MMEL1: variants seen among roughly 807,000 people sequenced by gnomAD.
MMEL1 encodes the protein membrane metallo-endopeptidase-like 1.
Under a neutral mutation model 117.1 loss-of-function variants are expected in MMEL1, and 98 were observed. The observed-to-expected ratio is 0.84, with a 90% CI of 0.71 to 0.99. The LOEUF (loss-of-function observed/expected upper bound fraction) is 0.99. Among genes scored for constraint, MMEL1 ranks in the 50% least tolerant of loss-of-function variants. The pLI, the probability that MMEL1 is intolerant of heterozygous loss-of-function variation, is 0.00. For missense variants in MMEL1, 1,014 were observed against 1,049.1 expected (o/e 0.97, Z 0.46); for synonymous variants, 390 against 415.1 (o/e 0.94, Z 0.74).
At chr1:2,630,974 CGT>C (rs932742319) in intron 1 of MMEL1, among the ~76,000 whole-genome samples, 5 of 147,162 alleles carry the variant, frequency 3.4e-5, no homozygotes, top group African/African-American at 1.0e-4. Context: ...CGTGTGTGCA[CGT>C]GTGTGACTGT....
intron 19 of MMEL1, among the ~76,000 whole-genome samples, chr1:2,593,286 G>A (rs1644773371): frequency 6.6e-6 from 1 of 152,210 alleles, no homozygotes; most frequent in African/African-American, 2.4e-5. Context: ...CAAACTCTAA[G>A]TTCCAGGCGA....
At chr1:2,594,299 A>G (rs1187896753) in intron 18 of MMEL1, 86 bp downstream of exon 18, 2 of 1,385,726 alleles carry the variant, frequency 1.4e-6, no homozygotes, top group East Asian at 5.0e-5. Flanking sequence ...TGCCCCCAGG[A>G]GGAAGGGATG....
intron 8 of MMEL1, 147 bp from the exon 9 acceptor site, chr1:2,605,770 CG>C (rs932402366): frequency 6.0e-6 from 2 of 333,098 alleles, no homozygotes; most frequent in African/African-American, 2.5e-5. Flanking sequence ...GTGCCGGACC[CG>C]GGAGGCCAGA....
rs757639321 is a variant in MMEL1 at position 2,609,331 on chromosome 1, C to T, written c.535+8G>A. Reference sequence around the variant, plus strand: ...TGCCTCGGCCCCTTCCTGGCGGCCCCCACTCACTCTGGTTCATGCAGGAGC... The same window carrying T: ...TGCCTCGGCCCCTTCCTGGCGGCCCTCACTCACTCTGGTTCATGCAGGAGC... On this transcript the variant is annotated splice_region_variant and intron_variant, in intron 6 of 23. Transcript: ENST00000378412. The T allele has an allele frequency of 1.2e-6, 2 of 1,609,334 alleles. No individual in the cohort carries two copies. Among genetic ancestry groups the T allele is most frequent in the Non-Finnish European group, 1.7e-6 (2 of 1,178,402 alleles).
chr1:2,632,174 G>A (rs1045922018), intron 1 of MMEL1, among the ~76,000 whole-genome samples: 12 of 137,104 alleles, frequency 8.8e-5, no homozygotes, highest in South Asian at 4.9e-4. Context: ...GCTCGGCCTC[G>A]GGTTCAACTC....
At chr1:2,591,480 T>G in intron 23 of MMEL1, 77 bp downstream of exon 23, 3 of 1,226,296 alleles carry the variant, frequency 2.4e-6, no homozygotes, top group Non-Finnish European at 3.6e-6. Context: ...TTTTTGTGCT[T>G]TCTTCTTTTA....
chr1:2,629,418 C>T lies in MMEL1; in HGVS notation c.67G>A (p.Gly23Arg), dbSNP rs1160110847. 1 of 1,545,968 alleles carries T rather than the reference C, an allele frequency of 6.5e-7. No individual in the cohort carries two copies. Among genetic ancestry groups the T allele is most frequent in the Non-Finnish European group, 8.7e-7 (1 of 1,146,164 alleles). Reference protein sequence around the residue: ...SAGRAGQKRPGFLEGGLLLLL... With the variant: ...SAGRAGQKRPRFLEGGLLLLL... ...AGCAGCAGCCCCCCCTCCAGGAACC[C>T]CGGGCGCTTCTGCCCTGCACGGCCG... The change falls in exon 2 of 24, where the codon GGG becomes AGG. Residue 23 changes from glycine (G) to arginine (R), a missense_variant. Gly to Arg is a moderately radical substitution (Grantham distance 125). Transcript: ENST00000378412.
intron 23 of MMEL1, 66 bp downstream of exon 23, chr1:2,591,491 C>G: frequency 7.6e-7 from 1 of 1,311,164 alleles, no homozygotes; most frequent in Non-Finnish European, 1.1e-6. Flanking sequence ...TCTTCTTTTA[C>G]AGGCCACTGG....
chr1:2,590,842 A>G lies in MMEL1; in HGVS notation c.*148T>C. 1.8e-6 allele frequency: 1 copy of G among 541,434 alleles called. No homozygotes were observed. Among genetic ancestry groups the G allele is most frequent in the Non-Finnish European group, 3.0e-6 (1 of 334,910 alleles). The allele number at this position is 541,434 out of a possible 1,614,324, so 33.5% of individuals were successfully genotyped here. ...CCCTGGGTGTCAGGCAGGTGGCTGC[A>G]CCCTAGGCCAGGCGCAGAGGCCTGG... On this transcript the variant is annotated 3_prime_UTR_variant, in exon 24 of 24. Coordinates refer to ENST00000378412, the MANE Select transcript of MMEL1 (RefSeq NM_033467.4).
At chr1:2,629,239 G>C in intron 2 of MMEL1, 92 bp downstream of exon 2, 4 of 1,370,158 alleles carry the variant, frequency 2.9e-6, no homozygotes, top group Non-Finnish European at 3.9e-6. Flanking sequence ...GGCGGGCTCG[G>C]GCTGGGGGCA....
intron 9 of MMEL1, among the ~76,000 whole-genome samples, chr1:2,604,781 A>C (rs1324330097): frequency 1.3e-5 from 2 of 152,156 alleles, no homozygotes; most frequent in African/African-American, 4.8e-5. Context: ...GGGCTTCCCC[A>C]GTGCAGGCCA....
In MMEL1 at chr1:2,592,221, C is replaced by CG. The variant is rs5772070; in HGVS notation, c.2068-195dup. Among the ~76,000 whole-genome samples, 569 of 107,812 alleles carry CG rather than the reference C, an allele frequency of 5.3e-3. 42 individuals are homozygous for CG. Among genetic ancestry groups the CG allele is most frequent in the Non-Finnish European group, 8.5e-3 (442 of 51,724 alleles). The allele number at this position is 107,812 out of a possible 152,430, so 70.7% of individuals were successfully genotyped here. On this transcript the variant is annotated intron_variant, in intron 21 of 23. Transcript: ENST00000378412. Reference sequence around the variant, plus strand: ...CTCAGGGACCCCTGAGCTGGGCCCTCGGGGGGGGATCCCTGGCCAGACAGC... The same window carrying CG: ...CTCAGGGACCCCTGAGCTGGGCCCTCGGGGGGGGGATCCCTGGCCAGACAGC...
intron 1 of MMEL1, among the ~76,000 whole-genome samples, chr1:2,631,994 GC>G (rs1396792766): frequency 1.3e-5 from 2 of 152,208 alleles, no homozygotes; most frequent in African/African-American, 2.4e-5. Flanking sequence ...TGGAGGAAGA[GC>G]CGGGCCTTGC....
At chr1:2,594,312 C>T in intron 18 of MMEL1, 73 bp downstream of exon 18, 1 of 1,445,354 alleles carries the variant, frequency 6.9e-7, no homozygotes, top group Non-Finnish European at 9.5e-7. Flanking sequence ...AAGGGATGGG[C>T]AGGGGGCTGC....
chr1:2,610,577 T>A (rs1645109012), intron 4 of MMEL1, among the ~76,000 whole-genome samples: 1 of 152,126 alleles, frequency 6.6e-6, no homozygotes. Flanking sequence ...GTGTGCTTGG[T>A]CCCCAGAGGG....
intron 2 of MMEL1, among the ~76,000 whole-genome samples, chr1:2,625,899 A>G (rs1638248297): frequency 6.6e-6 from 1 of 151,824 alleles, no homozygotes; most frequent in Non-Finnish European, 1.5e-5. Flanking sequence ...GCCTGCACCG[A>G]TAGCCTCATG....
At chr1:2,610,809 C>A (rs1035057440) in intron 4 of MMEL1, among the ~76,000 whole-genome samples, 10 of 152,196 alleles carry the variant, frequency 6.6e-5, no homozygotes, top group Non-Finnish European at 1.3e-4. Context: ...TCACGGAAGG[C>A]GTGTCCACAG....
At position 2,595,354 on chromosome 1, in the gene MMEL1, C is replaced by G; in HGVS notation, c.1506G>C (p.Met502Ile). 1 of 1,613,868 alleles carries G rather than the reference C, an allele frequency of 6.2e-7. No individual in the cohort carries two copies. The highest frequency in any genetic ancestry group is 1.3e-5 in the African/African-American group (1 of 75,048). Residue 502 changes from methionine (M) to isoleucine (I), a missense_variant, in exon 16 of 24, where the codon ATG becomes ATC. Transcript: ENST00000378412. The surrounding 1 kb of genome is among the most constrained non-coding windows in gnomAD (Gnocchi z 4.8). ...GGTGCCCGATCTGCTCCCGGATGCT[C>G]ATGGCCTGAGTGGGGAGGAGGGACT... ...ESKKKAQEKA[M>I]SIREQIGHPD... is the part of the protein sequence containing the mutation.
chr1:2,593,048 C>T, intron 19 of MMEL1, 82 bp from the exon 20 acceptor site: 2 of 1,521,498 alleles, frequency 1.3e-6, no homozygotes, highest in Admixed American at 3.5e-5. Flanking sequence ...TGCCTGGCCG[C>T]TCCTGCCCCT....
Sources: allele counts gnomAD v4.1 joint callset (sites outside exome capture counted in the v4.1 genomes callset), GRCh38; gene constraint gnomAD v4.1.1; non-coding constraint Gnocchi (gnomAD v3.1); transcripts MANE v1.5; gene names NCBI Gene and HGNC (gene_info 2026-07-23, HGNC 2026-07-21).